CHRNB4: variants seen among roughly 807,000 people sequenced by gnomAD.
CHRNB4 encodes the protein neuronal acetylcholine receptor subunit beta-4.
A neutral mutation model predicts 40.4 loss-of-function variants in CHRNB4; 23 were observed. The ratio of observed to expected loss-of-function variants is 0.57; its 90% CI spans 0.41 to 0.81. CHRNB4 has a LOEUF of 0.81. CHRNB4 is among the 30% of genes least tolerant of loss of function. The pLI, the probability that CHRNB4 is intolerant of heterozygous loss-of-function variation, is 0.00. For missense variants in CHRNB4, 568 were observed against 670.6 expected (o/e 0.85, Z 1.69); for synonymous variants, 285 against 274.4 (o/e 1.04, Z -0.38).
chr15:78,629,815 G>C lies in CHRNB4; in HGVS notation c.490C>G (p.Gln164Glu). 1.2e-6 allele frequency: 2 copies of C among 1,614,112 alleles called. No homozygotes were observed. Among genetic ancestry groups the C allele is most frequent in the Non-Finnish European group, 8.5e-7 (1 of 1,180,032 alleles). Residue 164 changes from glutamine (Q) to glutamate (E), a missense_variant, in exon 5 of 6, where the codon CAG (glutamine) becomes GAG (glutamate). By Grantham distance (29) the Gln-to-Glu change is conservative. This residue lies in a region of CHRNB4 where 127 missense variants were observed against 167.4 expected (regional missense o/e 0.76). Coordinates refer to ENST00000261751, the MANE Select transcript of CHRNB4 (RefSeq NM_000750.5). The surrounding 1 kb of genome is among the most constrained non-coding windows in gnomAD (Gnocchi z 6.8). ...CGGAACTTGAGGGTGCAGTTCTGCT[G>C]GTCGAAGGGAAAGTACTTCACCTCA... The part of the protein sequence containing the change: ...KIEVKYFPFD[Q>E]QNCTLKFRSW...
intron 3 of CHRNB4, chr15:78,657,292 G>A (rs1235963533): frequency 6.6e-6 from 1 of 152,222 alleles, no homozygotes; most frequent in Non-Finnish European, 1.5e-5. Flanking sequence ...TGGGATTACA[G>A]GCATGAGCCA....
intron 7 of CHRNB4, among the ~76,000 whole-genome samples, chr15:78,646,386 T>A (rs1034051689): frequency 1.3e-5 from 2 of 152,240 alleles, no homozygotes; most frequent in East Asian, 3.8e-4. Flanking sequence ...CATTAAAGAT[T>A]TAGTTTGAAA....
intron 1 of CHRNB4, among the ~76,000 whole-genome samples, chr15:78,659,768 G>C (rs4887074): frequency 0.56 from 84,625 of 152,046 alleles, 27,504 homozygotes; most frequent in Non-Finnish European, 0.76. Context: ...TTAGGAAAAG[G>C]GTTTAGTTTC....
chr15:78,659,840 T>C (rs1042438706), intron 1 of CHRNB4, among the ~76,000 whole-genome samples: 1 of 152,210 alleles, frequency 6.6e-6, no homozygotes, highest in Non-Finnish European at 1.5e-5. Flanking sequence ...TTGTTTTAGC[T>C]GCTGGATGAA....
upstream of CHRNB4, chr15:78,661,322 T>G (rs1377471279): frequency 1.0e-5 from 6 of 583,376 alleles, no homozygotes. Flanking sequence ...CACCTTCAGG[T>G]TGAGAACCTC....
In CHRNB4 at chr15:78,629,073, T is replaced by C; in HGVS notation, c.1232A>G (p.Asp411Gly). 1 of 1,614,060 alleles carries C rather than the reference T, an allele frequency of 6.2e-7. No individual in the cohort carries two copies. The highest frequency in any genetic ancestry group is 8.5e-7 in the Non-Finnish European group (1 of 1,180,026). Residue 411 changes from aspartate to glycine, a missense_variant, in exon 5 of 6, where the codon GAT (aspartate) becomes GGT (glycine). Transcript: ENST00000261751. The surrounding 1 kb of genome is among the most constrained non-coding windows in gnomAD (Gnocchi z 6.8). The part of the protein sequence containing the change: ...AGSTPVAIPR[D>G]FWLRSSGRFR... The stretch of plus-strand genomic sequence containing the variant: ...CCTCCCAGAGGACCGCAGCCAGAAA[T>C]CCCTGGGGATAGCCACCGGGGTAGA...
At chr15:78,645,359 T>C (rs1488525396), upstream of CHRNB4, among the ~76,000 whole-genome samples, 2 of 152,182 alleles carry the variant, frequency 1.3e-5, no homozygotes, top group African/African-American at 4.8e-5. Flanking sequence ...TGCCTCCCCA[T>C]GTATCCCTGC....
At chr15:78,631,679 T>C (rs2053814716) in intron 2 of CHRNB4, among the ~76,000 whole-genome samples, 1 of 152,162 alleles carries the variant, frequency 6.6e-6, no homozygotes, top group Non-Finnish European at 1.5e-5. Context: ...TTTGTCTGCT[T>C]CTCTCCACCG....
upstream of CHRNB4, chr15:78,641,355 C>T (rs775894910): frequency 1.9e-5 from 9 of 468,616 alleles, no homozygotes; most frequent in Non-Finnish European, 3.3e-5. Flanking sequence ...TGGACCCCAC[C>T]TGCCGCCTGG....
intron 1 of CHRNB4, among the ~76,000 whole-genome samples, chr15:78,659,911 C>T (rs1476535200): frequency 1.3e-5 from 2 of 152,036 alleles, no homozygotes; most frequent in Non-Finnish European, 1.5e-5. Flanking sequence ...CACAGGAGTC[C>T]AAGCTAGAGA....
intron 1 of CHRNB4, among the ~76,000 whole-genome samples, chr15:78,659,247 G>A (rs2054234966): frequency 6.6e-6 from 1 of 151,890 alleles, no homozygotes; most frequent in African/African-American, 2.4e-5. Flanking sequence ...TGGGCAACAT[G>A]GTTAAACCCC....
At chr15:78,652,347 C>CA in intron 6 of CHRNB4, among the ~76,000 whole-genome samples, 1 of 152,226 alleles carries the variant, frequency 6.6e-6, no homozygotes, top group Non-Finnish European at 1.5e-5. Context: ...GTTGCCATGT[C>CA]TGAGGCACAC....
chr15:78,644,184 C>T (rs2141403418), upstream of CHRNB4, among the ~76,000 whole-genome samples: 1 of 151,326 alleles, frequency 6.6e-6, no homozygotes, highest in South Asian at 2.1e-4. Flanking sequence ...AGATTCTATT[C>T]ACAATAGTAA....
At position 78,650,007 on chromosome 15, in the gene CHRNB4, G is replaced by GTT. The variant is rs35068589; in HGVS notation, c.-15-570_-15-569dup. On this transcript the variant is annotated intron_variant and NMD_transcript_variant, in intron 6 of 11. Coordinates refer to the CHRNB4 transcript ENST00000559849. ...ATGTTTGAAATATTTTATCAATTTT[G>GTT]TTTTTTTTAAAGGAGTGCCTTTTCA... Among the ~76,000 whole-genome samples, 956 of 151,658 alleles carry GTT rather than the reference G, an allele frequency of 6.3e-3. 6 individuals are homozygous for GTT. The highest frequency in any genetic ancestry group is 0.022 in the African/African-American group (925 of 41,308).
chr15:78,628,296 T>C (rs2053705673), intron 5 of CHRNB4: 1 of 152,290 alleles, frequency 6.6e-6, no homozygotes, highest in South Asian at 2.1e-4. Context: ...AATGGCTTCT[T>C]TGCAAGTCTG....
In CHRNB4 at chr15:78,629,523, C is replaced by T. The variant is rs779512885; in HGVS notation, c.782G>A (p.Gly261Asp). Residue 261 changes from glycine to aspartate, a missense_variant, in exon 5 of 6, where the codon GGC becomes GAC. Transcript: ENST00000261751. This position sits in a 1 kb window ranked among gnomAD's most constrained non-coding sequence, Gnocchi z 6.8. ...ILVFYLPSDCGEKMTLCISVL... is the reference protein window; with the variant it reads ...ILVFYLPSDCDEKMTLCISVL... ...TGAGATGCACAGTGTCATCTTCTCGCCGCAGTCGGATGGCAGGTAGAAGAC... is the reference window on the plus strand; with the variant it reads ...TGAGATGCACAGTGTCATCTTCTCGTCGCAGTCGGATGGCAGGTAGAAGAC... 6.2e-7 allele frequency: 1 copy of T among 1,614,166 alleles called. No homozygotes were observed. The highest frequency in any genetic ancestry group is 1.1e-5 in the South Asian group (1 of 91,082).
At chr15:78,631,255 T>G (rs1448254887) in intron 3 of CHRNB4, 33 bp downstream of exon 3, 38 of 1,613,700 alleles carry the variant, frequency 2.4e-5, no homozygotes, top group Non-Finnish European at 3.1e-5. Flanking sequence ...AAAGAAAAGA[T>G]CTCTGGGGCT....
rs1480606786 is a variant in CHRNB4, at chr15:78,624,180, C to T, written c.*953G>A. The T allele has an allele frequency of 6.6e-6, 1 of 152,018 alleles. No individual in the cohort carries two copies. Among genetic ancestry groups the T allele is most frequent in the Non-Finnish European group, 1.5e-5 (1 of 68,012 alleles). The allele number at this position is 152,018 out of a possible 1,614,324, so 9.4% of individuals were successfully genotyped here. On this transcript the variant is annotated 3_prime_UTR_variant, in exon 6 of 6. Coordinates refer to ENST00000261751, the MANE Select transcript of CHRNB4 (RefSeq NM_000750.5). The stretch of plus-strand genomic sequence containing the variant: ...CTGTCCTAGGCCCTGGGGATACTAC[C>T]ACGAATGTGAAGGAGCAGGTCCCTG...
intron 5 of CHRNB4, chr15:78,626,341 G>GGTGTGTGTGTGTGTGTGT (rs747140868): frequency 1.9e-4 from 14 of 74,350 alleles, no homozygotes; most frequent in African/African-American, 6.3e-4. Context: ...TTCAAGCGGG[G>GGTGTGTGTGTGTGTGTGT]GTGTGTGTGT....
Sources: allele counts gnomAD v4.1 joint callset (sites outside exome capture counted in the v4.1 genomes callset), GRCh38; gene constraint gnomAD v4.1.1; regional missense constraint gnomAD v4.1.1; non-coding constraint Gnocchi (gnomAD v3.1); transcripts MANE v1.5; gene names NCBI Gene and HGNC (gene_info 2026-07-23, HGNC 2026-07-21).